PPARA: variants seen among roughly 807,000 people sequenced by gnomAD.
PPARA encodes the protein peroxisome proliferator activated receptor alpha.
A neutral mutation model predicts 42.2 loss-of-function variants in PPARA; 22 were observed. That is an observed-to-expected ratio of 0.52 (90% CI 0.37 to 0.74). PPARA has a LOEUF of 0.74. Among genes scored for constraint, PPARA ranks in the 30% least tolerant of loss-of-function variants. The pLI, the probability that PPARA is intolerant of heterozygous loss-of-function variation, is 0.00. For missense variants in PPARA, 465 were observed against 608.2 expected, an observed-to-expected ratio of 0.76 and a Z score of 2.48; for synonymous variants, 242 against 239.3, an observed-to-expected ratio of 1.01 and a Z score of -0.10.
chr22:46,198,406 T>C lies in PPARA; in HGVS notation c.23T>C (p.Leu8Pro). Residue 8 changes from leucine to proline, a missense_variant, in exon 4 of 9, where the codon CTC (leucine) becomes CCC (proline). Leu to Pro is a moderately conservative substitution (Grantham distance 98). Around this residue, in one of 2 missense-constraint regions of PPARA, gnomAD observed 152 missense variants for 139.1 expected, o/e 1.09. Coordinates refer to ENST00000407236, the MANE Select transcript of PPARA (RefSeq NM_005036.6). The stretch of plus-strand genomic sequence containing the variant: ...GCGATGGTGGACACGGAAAGCCCAC[T>C]CTGCCCCCTCTCCCCACTCGAGGCC... MVDTESP[L>P]CPLSPLEAGD... The C allele has an allele frequency of 6.2e-7, 1 of 1,613,834 alleles. No individual in the cohort carries two copies. The highest frequency in any genetic ancestry group is 1.1e-5 in the South Asian group (1 of 91,084).
rs771155526 is a variant in PPARA, at chr22:46,184,972, C to T, written c.-43+8136C>T. Among the ~76,000 whole-genome samples, 8 of 152,190 alleles carry T rather than the reference C, an allele frequency of 5.3e-5. No individual in the cohort carries two copies. Among genetic ancestry groups the T allele is most frequent in the Non-Finnish European group, 1.0e-4 (7 of 68,036 alleles). On this transcript the variant is annotated intron_variant, in intron 3 of 8. Coordinates refer to ENST00000407236, the MANE Select transcript of PPARA (RefSeq NM_005036.6). This position sits in a 1 kb window ranked among gnomAD's most constrained non-coding sequence, Gnocchi z 4.4. ...TGGTCTGGAATTTCCCAGTGAGTGACCATCTGTGTGTGTGTATTCATCCAT... is the reference window on the plus strand; with the variant it reads ...TGGTCTGGAATTTCCCAGTGAGTGATCATCTGTGTGTGTGTATTCATCCAT...
chr22:46,213,994 C>T (rs1934198507), intron 4 of PPARA, among the ~76,000 whole-genome samples: 1 of 152,216 alleles, frequency 6.6e-6, no homozygotes, highest in South Asian at 2.1e-4. Context: ...ATTTTCTTAG[C>T]AATGTCTTTT....
At position 46,234,833 on chromosome 22, in the gene PPARA, C is replaced by A. The variant is rs1349177148; in HGVS notation, c.1160-300C>A. On this transcript the variant is annotated intron_variant, in intron 8 of 8. Coordinates refer to ENST00000407236, the MANE Select transcript of PPARA (RefSeq NM_005036.6). The surrounding 1 kb of genome is among the most constrained non-coding windows in gnomAD (Gnocchi z 5.8). The stretch of plus-strand genomic sequence containing the variant: ...TACTAGCTCTAATTTTTCTCCCTGA[C>A]AGGTGGTCATCAGGTAAATCACAAG... Among the ~76,000 whole-genome samples the A allele has an allele frequency of 1.3e-5, 2 of 152,146 alleles. No individual in the cohort carries two copies. Among genetic ancestry groups the A allele is most frequent in the Admixed American group, 1.3e-4 (2 of 15,260 alleles).
rs1250282299 is a variant in PPARA at position 46,193,257 on chromosome 22, G to A, written c.-42-5085G>A. Among the ~76,000 whole-genome samples, 4 of 152,214 alleles carry A rather than the reference G, an allele frequency of 2.6e-5. No individual in the cohort carries two copies. The highest frequency in any genetic ancestry group is 4.4e-5 in the Non-Finnish European group (3 of 68,026). On this transcript the variant is annotated intron_variant, in intron 3 of 8. Coordinates refer to ENST00000407236, the MANE Select transcript of PPARA (RefSeq NM_005036.6). This position sits in a 1 kb window ranked among gnomAD's most constrained non-coding sequence, Gnocchi z 5.3. ...AATGTTTGTATTTTTAGTAGGGACC[G>A]GGTTTCACCAGGTTGAACAGGCTGG...
At position 46,213,840 on chromosome 22, in the gene PPARA, C is replaced by T. The variant is rs376301265; in HGVS notation, c.209-1333C>T. Reference sequence around the variant, plus strand: ...TCCTGACCTCGTGATCCGCTTGCTCCGGCCTCCCAAAGTGCTGGGATTACA... The same window carrying T: ...TCCTGACCTCGTGATCCGCTTGCTCTGGCCTCCCAAAGTGCTGGGATTACA... On this transcript the variant is annotated intron_variant, in intron 4 of 8. Transcript: ENST00000407236. Among the ~76,000 whole-genome samples the T allele has an allele frequency of 1.2e-4, 19 of 152,320 alleles. No individual in the cohort carries two copies. In the East Asian group the frequency reaches 2.5e-3, roughly 20 times the overall value.
In PPARA at chr22:46,242,080, C is replaced by A. The variant is rs1936386556; in HGVS notation, c.*6700C>A. The A allele has an allele frequency of 6.6e-6, 1 of 152,084 alleles. No homozygotes were observed. Among genetic ancestry groups the A allele is most frequent in the Admixed American group, 6.5e-5 (1 of 15,272 alleles). 9.4% of individuals were successfully genotyped at this position (152,084 alleles called of 1,614,324 possible). On this transcript the variant is annotated 3_prime_UTR_variant, in exon 9 of 9. Coordinates refer to ENST00000407236, the MANE Select transcript of PPARA (RefSeq NM_005036.6). The surrounding 1 kb of genome is among the most constrained non-coding windows in gnomAD (Gnocchi z 6.1). ...AGTCTACCTGCCACCTCTTCTCTTG[C>A]CCCTCTTCTGCCCACACATCCAGCA... is the stretch of plus-strand genomic sequence containing the variant.
rs993239716 is a variant in PPARA at position 46,219,323 on chromosome 22, G to A, written c.509-489G>A. 6.6e-6 allele frequency among the ~76,000 whole-genome samples: 1 copy of A among 152,168 alleles called. No homozygotes were observed. The highest frequency in any genetic ancestry group is 2.4e-5 in the African/African-American group (1 of 41,428). On this transcript the variant is annotated intron_variant, in intron 6 of 8. Transcript: ENST00000407236. The surrounding 1 kb of genome is among the most constrained non-coding windows in gnomAD (Gnocchi z 4.8). ...TGTTCACCTCGTCCATAGGAAGGGT[G>A]TACCACCTCAAACATCTCACCACGT...
chr22:46,166,203 A>G lies in PPARA; in HGVS notation c.-126-10550A>G, dbSNP rs890980495. On this transcript the variant is annotated intron_variant, in intron 2 of 8. Transcript: ENST00000407236. Reference sequence around the variant, plus strand: ...ACTGGCCAATTGCGTCACTTCTCTCAAAGTCAGTCTGTGATTGGTCCCTGA... The same window carrying G: ...ACTGGCCAATTGCGTCACTTCTCTCGAAGTCAGTCTGTGATTGGTCCCTGA... Among the ~76,000 whole-genome samples the G allele has an allele frequency of 4.6e-5, 7 of 152,180 alleles. No homozygotes were observed. The East Asian group carries it at 5.8e-4, about 13-fold the overall frequency.
In PPARA at chr22:46,230,732, T is replaced by C. The variant is rs1601822195; in HGVS notation, c.712-1060T>C. 6.6e-6 allele frequency among the ~76,000 whole-genome samples: 1 copy of C among 152,224 alleles called. No individual in the cohort carries two copies. The highest frequency in any genetic ancestry group is 1.5e-5 in the Non-Finnish European group (1 of 68,044). The stretch of plus-strand genomic sequence containing the variant: ...GGAGCACCGAGTGAAGGTTTCAGTT[T>C]CCTGCACTGAGAGAAACAAGGGCAT... On this transcript the variant is annotated intron_variant, in intron 7 of 8. Coordinates refer to ENST00000407236, the MANE Select transcript of PPARA (RefSeq NM_005036.6). The surrounding 1 kb of genome is among the most constrained non-coding windows in gnomAD (Gnocchi z 5.0).
At position 46,180,207 on chromosome 22, in the gene PPARA, T is replaced by TC. The variant is rs961162334; in HGVS notation, c.-43+3371_-43+3372insC. Among the ~76,000 whole-genome samples the TC allele has an allele frequency of 2.6e-5, 4 of 151,970 alleles. No homozygotes were observed. Among genetic ancestry groups the TC allele is most frequent in the Admixed American group, 1.3e-4 (2 of 15,240 alleles). ...GGTTGGCAGTTGCTTTTTTTTTTTT[T>TC]TGAGATGGAGTCTTGCTCTCCCAGG... On this transcript the variant is annotated intron_variant, in intron 3 of 8. Coordinates refer to ENST00000407236, the MANE Select transcript of PPARA (RefSeq NM_005036.6). The surrounding 1 kb of genome is among the most constrained non-coding windows in gnomAD (Gnocchi z 4.2).
chr22:46,197,157 C>A (rs1209248709), intron 3 of PPARA, among the ~76,000 whole-genome samples: 1 of 152,008 alleles, frequency 6.6e-6, no homozygotes, highest in Admixed American at 6.6e-5. Context: ...TCAAGTGATT[C>A]TCCTGCCTCA....
intron 7 of PPARA, among the ~76,000 whole-genome samples, chr22:46,226,201 A>G (rs936084679): frequency 1.3e-5 from 2 of 151,730 alleles, no homozygotes; most frequent in African/African-American, 4.8e-5. Context: ...CCACACTCAC[A>G]TGTGTGCACA....
At position 46,160,679 on chromosome 22, in the gene PPARA, C is replaced by T. The variant is rs765562630; in HGVS notation, c.-127+8709C>T. The stretch of plus-strand genomic sequence containing the variant: ...GCAGTGGTGTGATCTCAGCTCACTG[C>T]AACCTCCACCTCTCTGGCTCAAGCA... On this transcript the variant is annotated intron_variant, in intron 2 of 8. Coordinates refer to ENST00000407236, the MANE Select transcript of PPARA (RefSeq NM_005036.6). This position sits in a 1 kb window ranked among gnomAD's most constrained non-coding sequence, Gnocchi z 4.5. Among the ~76,000 whole-genome samples, 7 of 152,196 alleles carry T rather than the reference C, an allele frequency of 4.6e-5. No homozygotes were observed. The highest frequency in any genetic ancestry group is 8.8e-5 in the Non-Finnish European group (6 of 68,040).
At position 46,160,437 on chromosome 22, in the gene PPARA, C is replaced by T. The variant is rs572326048; in HGVS notation, c.-127+8467C>T. ...TCAGCCTCCTACATAGCTGGTACTA[C>T]AGGCACGCGCCACCATGCCTGGCTA... On this transcript the variant is annotated intron_variant, in intron 2 of 8. Coordinates refer to ENST00000407236, the MANE Select transcript of PPARA (RefSeq NM_005036.6). This position sits in a 1 kb window ranked among gnomAD's most constrained non-coding sequence, Gnocchi z 4.5. 2.0e-5 allele frequency among the ~76,000 whole-genome samples: 3 copies of T among 152,166 alleles called. 1 individual carries two copies. The South Asian group carries it at 6.2e-4, about 32-fold the overall frequency.
intron 3 of PPARA, among the ~76,000 whole-genome samples, chr22:46,186,387 G>GT (rs527609327): frequency 6.2e-4 from 94 of 152,194 alleles, no homozygotes; most frequent in African/African-American, 2.1e-3. Flanking sequence ...ATAAGGTGTG[G>GT]TCCCGCCTTT....
intron 2 of PPARA, among the ~76,000 whole-genome samples, chr22:46,174,001 G>A (rs1225886702): frequency 3.1e-5 from 2 of 63,748 alleles, no homozygotes; most frequent in Admixed American, 1.4e-4. Context: ...TCAGGAGATC[G>A]AGACCCTCTC....
At chr22:46,228,132 T>C (rs1935598961) in intron 7 of PPARA, among the ~76,000 whole-genome samples, 1 of 152,236 alleles carries the variant, frequency 6.6e-6, no homozygotes, top group Non-Finnish European at 1.5e-5. Flanking sequence ...TAGTCCACGG[T>C]GAGCCTCAGG....
rs1934030008 is a variant in PPARA at position 46,212,427 on chromosome 22, C to CT, written c.209-2745dup. On this transcript the variant is annotated intron_variant, in intron 4 of 8. Coordinates refer to ENST00000407236, the MANE Select transcript of PPARA (RefSeq NM_005036.6). This position sits in a 1 kb window ranked among gnomAD's most constrained non-coding sequence, Gnocchi z 4.2. ...CCATGCTTCACCTATTCAACCCTGC[C>CT]TCTCCCACCCCCAGCCAGCTCAGAA... 6.6e-6 allele frequency among the ~76,000 whole-genome samples: 1 copy of CT among 152,152 alleles called. No homozygotes were observed. Among genetic ancestry groups the CT allele is most frequent in the South Asian group, 2.1e-4 (1 of 4,832 alleles).
At chr22:46,169,725 A>T (rs1927692169) in intron 2 of PPARA, among the ~76,000 whole-genome samples, 1 of 152,086 alleles carries the variant, frequency 6.6e-6, no homozygotes, top group Non-Finnish European at 1.5e-5. Context: ...TAAGATCTCT[A>T]CTCAGAAAAC....
Sources: gnomAD v4.1 joint callset for allele counts (sites outside exome capture counted in the v4.1 genomes callset) on GRCh38, gnomAD v4.1.1 for gene constraint, gnomAD v4.1.1 regional missense constraint, Gnocchi (gnomAD v3.1) non-coding constraint, MANE v1.5 for transcripts, NCBI Gene and HGNC (gene_info 2026-07-23, HGNC 2026-07-21) for gene names.